Variants in DLGAP2 observed in about 807,000 individuals in gnomAD.
DLGAP2 encodes disks large-associated protein 2.
In DLGAP2, 26 loss-of-function variants were observed where a neutral mutation model predicts 100.3. The ratio of observed to expected loss-of-function variants is 0.26; its 90% CI spans 0.19 to 0.36. DLGAP2 has a LOEUF of 0.36. Ranked by LOEUF, DLGAP2 falls within the 10% of genes least tolerant of loss-of-function variation. The pLI is 1.00. For missense variants in DLGAP2, 1,858 were observed against 1,453.2 expected (o/e 1.28, Z -4.53); for synonymous variants, 886 against 630.1 (o/e 1.41, Z -6.08).
chr8:1,216,256 T>C (rs1202166060), intron 2 of DLGAP2, among the ~76,000 whole-genome samples: 1 of 152,136 alleles, frequency 6.6e-6, no homozygotes, highest in Non-Finnish European at 1.5e-5. Context: ...ACTCTAGACA[T>C]TGAGTGGTAA....
At chr8:1,089,841 T>C (rs1804112634) in intron 2 of DLGAP2, among the ~76,000 whole-genome samples, 1 of 152,224 alleles carries the variant, frequency 6.6e-6, no homozygotes, top group African/African-American at 2.4e-5. Context: ...ACCTGATTGT[T>C]TGGGAGACAC....
chr8:1,563,020 G>C (rs1270270311), intron 5 of DLGAP2, among the ~76,000 whole-genome samples: 5 of 60,266 alleles, frequency 8.3e-5, no homozygotes, highest in African/African-American at 3.6e-4. Flanking sequence ...CTGGGGGGCT[G>C]TGTGGTTTTG....
chr8:1,253,931 A>T (rs1278766594), intron 2 of DLGAP2, among the ~76,000 whole-genome samples: 1 of 152,188 alleles, frequency 6.6e-6, no homozygotes, highest in East Asian at 1.9e-4. Context: ...GTAACCTGTG[A>T]TGAAGATGAA....
chr8:1,332,272 A>G (rs1801174586), intron 3 of DLGAP2, among the ~76,000 whole-genome samples: 1 of 152,256 alleles, frequency 6.6e-6, no homozygotes, highest in African/African-American at 2.4e-5. Context: ...GTGTTTATAT[A>G]CATCTGTGTA....
chr8:821,431 C>T (rs570504885), intron 1 of DLGAP2, among the ~76,000 whole-genome samples: 4 of 152,302 alleles, frequency 2.6e-5, no homozygotes, highest in South Asian at 4.1e-4. Context: ...CACAAGTGTT[C>T]GTACTTCCTC....
At chr8:1,325,399 T>TGGGTGTGGTCCCC (rs1367016318) in intron 3 of DLGAP2, among the ~76,000 whole-genome samples, 3 of 152,342 alleles carry the variant, frequency 2.0e-5, no homozygotes, top group African/African-American at 7.2e-5. Flanking sequence ...CCCTGGTCCC[T>TGGGTGTGGTCCCC]GGGTGTGGTC....
chr8:982,883 ATTTTTTTTT>A (rs35686773), intron 2 of DLGAP2, among the ~76,000 whole-genome samples: 59 of 117,330 alleles, frequency 5.0e-4, no homozygotes, highest in East Asian at 2.1e-3. Flanking sequence ...TAAAGGTAGG[ATTTTTTTTT>A]TTTTTTTTTT....
intron 2 of DLGAP2, among the ~76,000 whole-genome samples, chr8:950,483 G>A (rs886278552): frequency 6.6e-6 from 1 of 152,168 alleles, no homozygotes; most frequent in Non-Finnish European, 1.5e-5. Flanking sequence ...GTATACAGGT[G>A]AGAAAACATC....
chr8:1,452,722 C>T (rs968476268), intron 3 of DLGAP2, among the ~76,000 whole-genome samples: 19 of 152,232 alleles, frequency 1.2e-4, no homozygotes, highest in African/African-American at 7.2e-5. Flanking sequence ...GTCGCCTCCA[C>T]AGCAGCCGGG....
At chr8:1,440,273 C>A (rs1450647349) in intron 3 of DLGAP2, among the ~76,000 whole-genome samples, 1 of 152,176 alleles carries the variant, frequency 6.6e-6, no homozygotes, top group Non-Finnish European at 1.5e-5. Flanking sequence ...CTTTAGCATA[C>A]TTTTAAATTC....
intron 6 of DLGAP2, chr8:1,622,237 G>C (rs1797363565): frequency 6.6e-6 from 1 of 152,312 alleles, no homozygotes; most frequent in African/African-American, 2.4e-5. Flanking sequence ...AGCTTCTCCT[G>C]TCAGATCCCA....
At chr8:1,371,817 C>G (rs1032516849) in intron 3 of DLGAP2, among the ~76,000 whole-genome samples, 6 of 152,172 alleles carry the variant, frequency 3.9e-5, no homozygotes, top group Non-Finnish European at 7.3e-5. Flanking sequence ...TGTCCACTCA[C>G]CCTGGAAGTG....
intron 2 of DLGAP2, among the ~76,000 whole-genome samples, chr8:968,102 C>A (rs939492485): frequency 6.6e-6 from 1 of 151,540 alleles, no homozygotes; most frequent in Non-Finnish European, 1.5e-5. Context: ...TTTGTGTTCC[C>A]TCAGTTTTGA....
chr8:917,644 G>A (rs1051212862), intron 2 of DLGAP2, among the ~76,000 whole-genome samples: 3 of 152,090 alleles, frequency 2.0e-5, no homozygotes, highest in South Asian at 2.1e-4. Context: ...GCAGTGGTGC[G>A]ATCTCAGCTC....
At chr8:1,228,092 G>T (rs1048826353) in intron 2 of DLGAP2, among the ~76,000 whole-genome samples, 9 of 152,088 alleles carry the variant, frequency 5.9e-5, no homozygotes, top group African/African-American at 1.7e-4. Context: ...GTGGGGGAAT[G>T]GGGGAGGGAT....
intron 3 of DLGAP2, among the ~76,000 whole-genome samples, chr8:1,386,833 G>GA (rs1415264070): frequency 3.3e-5 from 5 of 151,594 alleles, no homozygotes; most frequent in Non-Finnish European, 5.9e-5. Context: ...CATATTGATG[G>GA]AAAAAAAATG....
intron 3 of DLGAP2, among the ~76,000 whole-genome samples, chr8:1,299,695 A>G (rs1035564720): frequency 6.6e-6 from 1 of 152,208 alleles, no homozygotes; most frequent in Non-Finnish European, 1.5e-5. Flanking sequence ...TTATTTTTTT[A>G]AAGTACTGTG....
intron 3 of DLGAP2, among the ~76,000 whole-genome samples, chr8:1,287,157 T>TGTGCGC (rs1315463950): frequency 1.0e-4 from 10 of 99,510 alleles, no homozygotes; most frequent in East Asian, 3.5e-4. Flanking sequence ...TGTGTGTGTG[T>TGTGCGC]GCGCGCGCGC....
At chr8:1,491,092 A>AAAAAAAAAAC (rs55769139) in intron 3 of DLGAP2, among the ~76,000 whole-genome samples, 2 of 139,710 alleles carry the variant, frequency 1.4e-5, no homozygotes, top group East Asian at 2.0e-4. Flanking sequence ...AAAAAAAAAA[A>AAAAAAAAAAC]CCCAAAAATA....
Sources: allele counts gnomAD v4.1 joint callset (sites outside exome capture counted in the v4.1 genomes callset), GRCh38; gene constraint gnomAD v4.1.1; transcripts MANE v1.5; gene names NCBI Gene and HGNC (gene_info 2026-07-23, HGNC 2026-07-21).